The following AKAP19 variants were observed in gnomAD, a reference collection of about 807,000 sequenced individuals.
The protein encoded by AKAP19 is A-kinase anchoring protein 19.
chr2:190,051,818 T>A, the AKAP19 span, among the ~76,000 whole-genome samples: 3 of 146,940 alleles, frequency 2.0e-5, no homozygotes, highest in African/African-American at 5.2e-5. Flanking sequence ...TTATTTTTTT[T>A]ATTTTTTATT....
chr2:190,063,672 A>T, the AKAP19 span, among the ~76,000 whole-genome samples: 10 of 152,146 alleles, frequency 6.6e-5, no homozygotes, highest in African/African-American at 2.4e-4. Context: ...CATCATGATA[A>T]AGGGGTGACC....
the AKAP19 span, among the ~76,000 whole-genome samples, chr2:190,054,616 A>C: frequency 3.9e-5 from 6 of 152,204 alleles, no homozygotes; most frequent in Admixed American, 3.3e-4. Context: ...CAGAATCTAC[A>C]ATGAACTCCA....
chr2:190,115,136 A>C, the AKAP19 span, among the ~76,000 whole-genome samples: 1 of 133,462 alleles, frequency 7.5e-6, no homozygotes, highest in Non-Finnish European at 1.6e-5. Context: ...AGAGAGAGAG[A>C]AAGAGTGTGT....
the AKAP19 span, among the ~76,000 whole-genome samples, chr2:190,111,908 T>C: frequency 6.6e-6 from 1 of 152,232 alleles, no homozygotes; most frequent in Non-Finnish European, 1.5e-5. Context: ...TTTTGTTTGT[T>C]TGTCTTTGAG....
At chr2:190,143,553 T>C in the AKAP19 span, among the ~76,000 whole-genome samples, 19 of 152,200 alleles carry the variant, frequency 1.2e-4, no homozygotes, top group Non-Finnish European at 2.2e-4. Context: ...TTTGAACTCT[T>C]TGAAAGCGAG....
the AKAP19 span, among the ~76,000 whole-genome samples, chr2:189,986,709 C>A: frequency 2.8e-4 from 43 of 152,192 alleles, no homozygotes; most frequent in South Asian, 1.7e-3. Flanking sequence ...TCATCTTTTT[C>A]TTATAATACC....
At chr2:190,028,829 A>G in the AKAP19 span, among the ~76,000 whole-genome samples, 1 of 152,230 alleles carries the variant, frequency 6.6e-6, no homozygotes, top group East Asian at 1.9e-4. Flanking sequence ...CCAAAGATTC[A>G]AAATACTTGA....
the AKAP19 span, among the ~76,000 whole-genome samples, chr2:190,119,411 A>T: frequency 1.3e-5 from 2 of 152,202 alleles, no homozygotes; most frequent in Non-Finnish European, 1.5e-5. Flanking sequence ...TCATTCACGT[A>T]GCCCCCAGAA....
chr2:190,021,207 G>A, the AKAP19 span, among the ~76,000 whole-genome samples: 3 of 151,940 alleles, frequency 2.0e-5, no homozygotes, highest in Non-Finnish European at 4.4e-5. Flanking sequence ...AGCATTTTGT[G>A]ATTTTTGTTT....
chr2:190,083,899 T>A, the AKAP19 span, among the ~76,000 whole-genome samples: 1 of 152,162 alleles, frequency 6.6e-6, no homozygotes, highest in Admixed American at 6.5e-5. Context: ...CCTTGCTTGT[T>A]GAAGTCACAC....
At chr2:190,077,291 C>G in the AKAP19 span, among the ~76,000 whole-genome samples, 1 of 151,446 alleles carries the variant, frequency 6.6e-6, no homozygotes, top group Non-Finnish European at 1.5e-5. Flanking sequence ...CTCACTGCAA[C>G]CTCTGCCTCT....
chr2:189,900,271 T>C, the AKAP19 span, among the ~76,000 whole-genome samples: 246 of 152,244 alleles, frequency 1.6e-3, no homozygotes, highest in African/African-American at 5.8e-3. Context: ...AATTCACAAA[T>C]GTGAAATTTT....
the AKAP19 span, among the ~76,000 whole-genome samples, chr2:190,166,800 G>A: frequency 6.6e-6 from 1 of 152,092 alleles, no homozygotes. Context: ...AACAAACATT[G>A]TAGTAAAACA....
the AKAP19 span, chr2:190,057,090 C>A: frequency 3.0e-6 from 2 of 672,766 alleles, no homozygotes; most frequent in South Asian, 4.2e-5. Context: ...TGGTTAAATG[C>A]CAACCATTGC....
At chr2:189,884,700 T>C in the AKAP19 span, among the ~76,000 whole-genome samples, 2 of 152,260 alleles carry the variant, frequency 1.3e-5, no homozygotes, top group East Asian at 1.9e-4. Context: ...TTCTTTGTTA[T>C]GAGTTTGAGG....
At chr2:190,094,976 G>T in the AKAP19 span, among the ~76,000 whole-genome samples, 7 of 152,212 alleles carry the variant, frequency 4.6e-5, no homozygotes, top group Non-Finnish European at 1.0e-4. Context: ...GGTAATCCCA[G>T]CACTTTGAGA....
the AKAP19 span, among the ~76,000 whole-genome samples, chr2:190,007,981 A>G: frequency 6.6e-6 from 1 of 152,180 alleles, no homozygotes; most frequent in African/African-American, 2.4e-5. Flanking sequence ...AGAAATATTG[A>G]AGGCTTACAG....
the AKAP19 span, among the ~76,000 whole-genome samples, chr2:189,969,076 A>G: frequency 1.3e-5 from 2 of 152,242 alleles, no homozygotes; most frequent in African/African-American, 4.8e-5. Context: ...AGGCAAATAT[A>G]CCATAAAAGC....
chr2:190,174,666 A>G, the AKAP19 span, among the ~76,000 whole-genome samples: 1 of 152,232 alleles, frequency 6.6e-6, no homozygotes, highest in Non-Finnish European at 1.5e-5. Flanking sequence ...TAAGTAAAAA[A>G]AACAGAACAT....
Sources: allele counts gnomAD v4.1 joint callset (sites outside exome capture counted in the v4.1 genomes callset), GRCh38; gene constraint gnomAD v4.1.1; transcripts MANE v1.5; gene names NCBI Gene and HGNC (gene_info 2026-07-23, HGNC 2026-07-21).